Variants in ADAMTS12 observed in about 807,000 individuals in gnomAD.
The protein encoded by ADAMTS12 is A disintegrin and metalloproteinase with thrombospondin motifs 12.
A neutral mutation model predicts 167.8 loss-of-function variants in ADAMTS12; 118 were observed. That is an observed-to-expected ratio of 0.70 (90% CI 0.61 to 0.82). ADAMTS12 has a LOEUF of 0.82. Among genes scored for constraint, ADAMTS12 ranks in the 40% least tolerant of loss-of-function variants. The pLI, the probability that ADAMTS12 is intolerant of heterozygous loss-of-function variation, is 0.00. For missense variants in ADAMTS12, 1,916 were observed against 1,998.8 expected (o/e 0.96, Z 0.79); for synonymous variants, 704 against 716.9 (o/e 0.98, Z 0.29).
chr5:33,629,974 T>G (rs2112142476), intron 13 of ADAMTS12, among the ~76,000 whole-genome samples: 1 of 152,270 alleles, frequency 6.6e-6, no homozygotes, highest in Middle Eastern at 3.4e-3. Flanking sequence ...GGCAGATACA[T>G]AAAAATATCC....
chr5:33,670,399 G>C (rs1335607320), intron 5 of ADAMTS12, among the ~76,000 whole-genome samples: 1 of 152,276 alleles, frequency 6.6e-6, no homozygotes, highest in East Asian at 1.9e-4. Flanking sequence ...GGTGAGAGTG[G>C]AAAATGGTGC....
chr5:33,710,635 A>T (rs1042313385), intron 3 of ADAMTS12, among the ~76,000 whole-genome samples: 3 of 152,216 alleles, frequency 2.0e-5, no homozygotes, highest in African/African-American at 7.2e-5. Context: ...AACAAGTAAG[A>T]CAATCACACT....
intron 22 of ADAMTS12, among the ~76,000 whole-genome samples, chr5:33,536,321 C>A (rs986846638): frequency 3.9e-5 from 6 of 151,922 alleles, no homozygotes; most frequent in Non-Finnish European, 8.8e-5. Flanking sequence ...CTGGCACACT[C>A]GCTAAGTCAA....
chr5:33,811,060 G>C (rs565516917), intron 2 of ADAMTS12, among the ~76,000 whole-genome samples: 7 of 152,282 alleles, frequency 4.6e-5, no homozygotes, highest in Admixed American at 3.3e-4. Context: ...CAAAATATAA[G>C]TCTTGGCCCT....
intron 3 of ADAMTS12, among the ~76,000 whole-genome samples, chr5:33,688,267 G>A (rs1239699538): frequency 6.6e-6 from 1 of 152,136 alleles, no homozygotes; most frequent in Non-Finnish European, 1.5e-5. Flanking sequence ...TCTCCCCACT[G>A]AGACCATGAC....
At chr5:33,871,916 G>A (rs1750049667) in intron 2 of ADAMTS12, among the ~76,000 whole-genome samples, 1 of 151,860 alleles carries the variant, frequency 6.6e-6, no homozygotes, top group Non-Finnish European at 1.5e-5. Context: ...AAGAATAAAG[G>A]AATATTATGA....
intron 17 of ADAMTS12, among the ~76,000 whole-genome samples, chr5:33,595,479 G>A (rs546814665): frequency 4.8e-4 from 73 of 152,256 alleles, no homozygotes; most frequent in East Asian, 4.3e-3. Context: ...CCAGCCCCAC[G>A]TGCCAGTAAT....
intron 2 of ADAMTS12, among the ~76,000 whole-genome samples, chr5:33,781,997 C>A (rs891050589): frequency 1.3e-5 from 2 of 152,060 alleles, no homozygotes; most frequent in Non-Finnish European, 2.9e-5. Context: ...TAAAGCTCAG[C>A]TGAATTATGG....
chr5:33,888,885 G>A (rs190252470), intron 1 of ADAMTS12, among the ~76,000 whole-genome samples: 1 of 152,270 alleles, frequency 6.6e-6, no homozygotes, highest in African/African-American at 2.4e-5. Flanking sequence ...AAAGAATACT[G>A]GGCAGTTAGT....
chr5:33,683,205 A>G, intron 4 of ADAMTS12, 104 bp from the exon 5 acceptor site: 2 of 854,610 alleles, frequency 2.3e-6, no homozygotes, highest in Non-Finnish European at 3.6e-6. Context: ...AGGTTTTCTT[A>G]TAGGTCAGAA....
chr5:33,780,804 C>T (rs960519573), intron 2 of ADAMTS12, among the ~76,000 whole-genome samples: 2 of 152,140 alleles, frequency 1.3e-5, no homozygotes, highest in Non-Finnish European at 2.9e-5. Flanking sequence ...ATAGCTCTCT[C>T]GTAAGAAGAG....
At chr5:33,695,403 G>A (rs1250627451) in intron 3 of ADAMTS12, among the ~76,000 whole-genome samples, 1 of 152,206 alleles carries the variant, frequency 6.6e-6, no homozygotes, top group Non-Finnish European at 1.5e-5. Flanking sequence ...GACAGAGAGA[G>A]AGAGATCAGT....
Position 33,761,110 on chromosome 5 carries a change from A to G in ADAMTS12, c.490-9562T>C, listed in dbSNP as rs1256050597. ...AAGCACTTTCCCCGTGGGAAGCAAA[A>G]AGCCATTATGGCGGATTTAGCCTTG... On this transcript the variant is annotated intron_variant, in intron 2 of 23. Transcript: ENST00000504830. Among the ~76,000 whole-genome samples, 3 of 152,172 alleles carry G rather than the reference A, an allele frequency of 2.0e-5. No individual in the cohort carries two copies. In the East Asian group the frequency reaches 5.8e-4, roughly 29 times the overall value.
chr5:33,597,159 G>C (rs1189587757), intron 16 of ADAMTS12, among the ~76,000 whole-genome samples: 2 of 152,198 alleles, frequency 1.3e-5, no homozygotes, highest in African/African-American at 2.4e-5. Context: ...GAAAGGGAAA[G>C]GACCACTGAC....
intron 23 of ADAMTS12, among the ~76,000 whole-genome samples, chr5:33,527,782 A>C (rs1743894438): frequency 6.6e-6 from 1 of 152,222 alleles, no homozygotes; most frequent in Non-Finnish European, 1.5e-5. Flanking sequence ...CACCATAAGA[A>C]GAACCTGGCT....
intron 18 of ADAMTS12, 94 bp from the exon 19 acceptor site, chr5:33,577,254 C>T: frequency 6.5e-7 from 1 of 1,550,048 alleles, no homozygotes; most frequent in Non-Finnish European, 8.8e-7. Flanking sequence ...CTGATGGAAA[C>T]TAAACTATGC....
chr5:33,593,623 T>C (rs1350661647), intron 17 of ADAMTS12, among the ~76,000 whole-genome samples: 3 of 151,542 alleles, frequency 2.0e-5, no homozygotes, highest in Non-Finnish European at 4.4e-5. Flanking sequence ...AAGTGGGAGT[T>C]GAACAATGAG....
intron 14 of ADAMTS12, among the ~76,000 whole-genome samples, chr5:33,618,518 C>T (rs1055139455): frequency 3.9e-5 from 6 of 152,188 alleles, no homozygotes; most frequent in African/African-American, 1.4e-4. Flanking sequence ...CAAAAGCAGT[C>T]TTGAGTAATC....
rs1211519066 is a variant in ADAMTS12, at chr5:33,688,606, G to T, written c.635-4551C>A. 2.6e-5 allele frequency among the ~76,000 whole-genome samples: 4 copies of T among 152,304 alleles called. No homozygotes were observed. The East Asian group carries it at 7.7e-4, about 29-fold the overall frequency. On this transcript the variant is annotated intron_variant, in intron 3 of 23. Transcript: ENST00000504830. ...TCAGTGTCCACGGCAGCCAGGCATG[G>T]ATCACGCCTTGACGAAGCCACACAG...
Sources: allele counts gnomAD v4.1 joint callset (sites outside exome capture counted in the v4.1 genomes callset), GRCh38; gene constraint gnomAD v4.1.1; transcripts MANE v1.5; gene names NCBI Gene and HGNC (gene_info 2026-07-23, HGNC 2026-07-21).